PACSIN2: variants seen among roughly 807,000 people sequenced by gnomAD.
PACSIN2 encodes protein kinase C and casein kinase substrate in neurons 2, also known as protein kinase C and casein kinase substrate in neurons protein 2.
In PACSIN2, 25 loss-of-function variants were observed where a neutral mutation model predicts 63.8. The ratio of observed to expected loss-of-function variants is 0.39; its 90% CI spans 0.29 to 0.55. The LOEUF is 0.55. Ranked by LOEUF, PACSIN2 falls within the 20% of genes least tolerant of loss-of-function variation. The pLI is 0.62. For synonymous variants in PACSIN2, 255 were observed against 256.2 expected, an observed-to-expected ratio of 1.00 and a Z score of 0.05; for missense variants, 518 against 646.9, an observed-to-expected ratio of 0.80 and a Z score of 2.16.
At position 42,893,550 on chromosome 22, in the gene PACSIN2, T is replaced by C; in HGVS notation, c.124A>G (p.Met42Val). The C allele has an allele frequency of 6.2e-7, 1 of 1,614,118 alleles. No homozygotes were observed. Among genetic ancestry groups the C allele is most frequent in the Non-Finnish European group, 8.5e-7 (1 of 1,180,004 alleles). Reference protein sequence around the residue: ...DDGHRLCSDLMNCLHERARIE... With the variant: ...DDGHRLCSDLVNCLHERARIE... ...CGCGCCCGCTCATGCAGGCAGTTCATGAGGTCGCTGCACAGGCGGTGGCCA... is the reference window on the plus strand; with the variant it reads ...CGCGCCCGCTCATGCAGGCAGTTCACGAGGTCGCTGCACAGGCGGTGGCCA... Residue 42 changes from methionine (M) to valine (V), a missense_variant, in exon 3 of 11, where the codon ATG (methionine) becomes GTG (valine). Met to Val is a conservative substitution (Grantham distance 21). Transcript: ENST00000263246.
At chr22:42,888,175 C>A (rs1569224239) in intron 5 of PACSIN2, among the ~76,000 whole-genome samples, 1 of 152,174 alleles carries the variant, frequency 6.6e-6, no homozygotes, top group Non-Finnish European at 1.5e-5. Flanking sequence ...CAGCAGCATC[C>A]TAAGCTCCTT....
rs1482367397 is a variant in PACSIN2 at position 43,009,904 on chromosome 22, T to C, written c.-78+5117A>G. ...TTTTTTTTGAGACAGAGTCTTGCTC[T>C]GTCACCCAAGGCTGGAGTGCAGTGG... On this transcript the variant is annotated intron_variant, in intron 1 of 10. Transcript: ENST00000263246. Among the ~76,000 whole-genome samples the C allele has an allele frequency of 2.7e-5, 4 of 147,374 alleles. No individual in the cohort carries two copies. In the East Asian group the frequency reaches 6.0e-4, roughly 22 times the overall value.
chr22:42,899,487 G>C (rs1246366199), intron 2 of PACSIN2, among the ~76,000 whole-genome samples: 1 of 152,208 alleles, frequency 6.6e-6, no homozygotes, highest in African/African-American at 2.4e-5. Flanking sequence ...ATGTGCCTGA[G>C]AACAGCAAGG....
At chr22:42,980,300 G>C (rs1921993838) in intron 1 of PACSIN2, among the ~76,000 whole-genome samples, 1 of 152,142 alleles carries the variant, frequency 6.6e-6, no homozygotes, top group Non-Finnish European at 1.5e-5. Context: ...GACTGCTTGA[G>C]CCCAAGAGTT....
chr22:42,882,139 G>C (rs377321923), intron 7 of PACSIN2, 45 bp downstream of exon 7: 13 of 1,607,708 alleles, frequency 8.1e-6, no homozygotes, highest in Middle Eastern at 1.7e-4. Flanking sequence ...GTGGGCCCAG[G>C]TCCTCTTCCA....
At chr22:42,892,192 G>C (rs563727884) in intron 3 of PACSIN2, among the ~76,000 whole-genome samples, 5 of 152,156 alleles carry the variant, frequency 3.3e-5, no homozygotes, top group Non-Finnish European at 7.4e-5. Flanking sequence ...AGGGTGGGGT[G>C]GCGTGAGGCT....
At chr22:42,993,028 T>C (rs542284883) in intron 1 of PACSIN2, among the ~76,000 whole-genome samples, 3 of 152,166 alleles carry the variant, frequency 2.0e-5, no homozygotes, top group Admixed American at 1.3e-4. Context: ...TGGCCGGGCA[T>C]GGCAGCATGC....
intron 1 of PACSIN2, among the ~76,000 whole-genome samples, chr22:42,936,516 A>G (rs1226744469): frequency 2.0e-5 from 3 of 152,234 alleles, no homozygotes; most frequent in African/African-American, 7.2e-5. Context: ...AGCATAGGCA[A>G]AGGCAAAGGA....
chr22:42,996,455 C>G (rs566558866), intron 1 of PACSIN2, among the ~76,000 whole-genome samples: 1 of 151,368 alleles, frequency 6.6e-6, no homozygotes, highest in East Asian at 1.9e-4. Context: ...TCGCCTGAAC[C>G]CAGGCAGCAA....
intron 2 of PACSIN2, among the ~76,000 whole-genome samples, chr22:42,900,313 G>A (rs993033629): frequency 3.9e-5 from 6 of 152,062 alleles, no homozygotes; most frequent in African/African-American, 7.2e-5. Flanking sequence ...TAAGCCTCCC[G>A]CCAAAAGGTG....
chr22:42,901,637 T>C (rs540276611), intron 2 of PACSIN2, among the ~76,000 whole-genome samples: 1 of 152,262 alleles, frequency 6.6e-6, no homozygotes, highest in Non-Finnish European at 1.5e-5. Context: ...GCACGGTAGG[T>C]TTCTTCCCAG....
rs533717735 is a variant in PACSIN2 at position 42,959,077 on chromosome 22, C to T, written c.-77-46920G>A. On this transcript the variant is annotated intron_variant, in intron 1 of 10. Transcript: ENST00000263246. ...TCTAGTGACAGCCCTCAGAGGGGGA[C>T]GAGGGCACAGGGTCCAGCTGGGATG... Among the ~76,000 whole-genome samples, 6 of 152,044 alleles carry T rather than the reference C, an allele frequency of 3.9e-5. 1 individual carries two copies. The highest frequency in any genetic ancestry group is 9.7e-5 in the African/African-American group (4 of 41,430).
chr22:43,014,449 C>G (rs1924743141), intron 1 of PACSIN2, among the ~76,000 whole-genome samples: 1 of 151,716 alleles, frequency 6.6e-6, no homozygotes, highest in African/African-American at 2.4e-5. Context: ...AGCGCACCCG[C>G]GTGTGTCCTG....
At chr22:42,966,500 T>C (rs183143806) in intron 1 of PACSIN2, among the ~76,000 whole-genome samples, 322 of 152,360 alleles carry the variant, frequency 2.1e-3, no homozygotes, top group African/African-American at 7.4e-3. Flanking sequence ...AGTTCTATCT[T>C]TGGCAAAGGA....
chr22:42,911,386 C>CG (rs1444255943), intron 2 of PACSIN2, among the ~76,000 whole-genome samples: 1 of 147,086 alleles, frequency 6.8e-6, no homozygotes, highest in African/African-American at 2.5e-5. Flanking sequence ...CTCCAGCCTG[C>CG]GCTCTCGAGA....
chr22:42,983,315 TC>T (rs1425552215), intron 1 of PACSIN2, among the ~76,000 whole-genome samples: 1 of 98,956 alleles, frequency 1.0e-5, no homozygotes, highest in African/African-American at 4.7e-5. Context: ...AGACTCCATC[TC>T]AAAAAAAAAA....
At chr22:42,930,916 CAA>C (rs982145836) in intron 1 of PACSIN2, among the ~76,000 whole-genome samples, 56 of 152,342 alleles carry the variant, frequency 3.7e-4, no homozygotes, top group African/African-American at 1.3e-3. Context: ...ACACAGGCAA[CAA>C]AAGACACCAA....
chr22:42,975,907 A>G (rs1921669786), intron 1 of PACSIN2, among the ~76,000 whole-genome samples: 1 of 152,230 alleles, frequency 6.6e-6, no homozygotes, highest in African/African-American at 2.4e-5. Flanking sequence ...TGTAAGACAG[A>G]CACAAGAAAA....
At chr22:42,984,538 AGCAGGACTGTGATCT>A (rs1034021865) in intron 1 of PACSIN2, among the ~76,000 whole-genome samples, 8 of 152,278 alleles carry the variant, frequency 5.3e-5, no homozygotes, top group South Asian at 4.1e-4. Flanking sequence ...CCAGGAGAAA[AGCAGGACTGTGATCT>A]GCACTGCCCT....
Sources: gnomAD v4.1 joint callset for allele counts (sites outside exome capture counted in the v4.1 genomes callset) on GRCh38, gnomAD v4.1.1 for gene constraint, MANE v1.5 for transcripts, NCBI Gene and HGNC (gene_info 2026-07-23, HGNC 2026-07-21) for gene names.